PCDH9: variants seen among roughly 807,000 people sequenced by gnomAD.
PCDH9 encodes the protein protocadherin 9.
Under a neutral mutation model 70.6 loss-of-function variants are expected in PCDH9, and 24 were observed. That is an observed-to-expected ratio of 0.34 (90% CI 0.25 to 0.48). The LOEUF (loss-of-function observed/expected upper bound fraction) is 0.48. PCDH9 is among the 20% of genes least tolerant of loss of function. PCDH9 has a pLI of 0.99. For missense variants in PCDH9, 1,281 were observed against 1,503.6 expected (o/e 0.85, Z 2.45); for synonymous variants, 562 against 558.5 (o/e 1.01, Z -0.09).
chr13:66,402,587 C>G (rs1957206877), intron 4 of PCDH9, among the ~76,000 whole-genome samples: 3 of 152,120 alleles, frequency 2.0e-5, no homozygotes, highest in South Asian at 4.2e-4. Flanking sequence ...ATCAAATTGC[C>G]TTAATGGATG....
At chr13:66,868,819 G>C (rs1329077444) in intron 3 of PCDH9, among the ~76,000 whole-genome samples, 1 of 152,124 alleles carries the variant, frequency 6.6e-6, no homozygotes, top group Non-Finnish European at 1.5e-5. Context: ...TTAGTGAACA[G>C]ATATTACATG....
At chr13:66,770,439 C>G (rs1381317723) in intron 3 of PCDH9, among the ~76,000 whole-genome samples, 1 of 152,144 alleles carries the variant, frequency 6.6e-6, no homozygotes, top group African/African-American at 2.4e-5. Flanking sequence ...TTAGATGAAG[C>G]CACCCTTATC....
intron 2 of PCDH9, among the ~76,000 whole-genome samples, chr13:67,082,754 A>G (rs2086010693): frequency 6.6e-6 from 1 of 152,214 alleles, no homozygotes; most frequent in Non-Finnish European, 1.5e-5. Flanking sequence ...CAATCCTTAT[A>G]TGCCAATTGT....
intron 3 of PCDH9, among the ~76,000 whole-genome samples, chr13:66,701,274 T>C (rs1265576542): frequency 6.6e-6 from 1 of 151,302 alleles, no homozygotes; most frequent in Non-Finnish European, 1.5e-5. Context: ...TGTGTATATA[T>C]ATATACACAC....
intron 3 of PCDH9, among the ~76,000 whole-genome samples, chr13:66,776,728 C>T (rs1314795992): frequency 3.3e-5 from 5 of 151,740 alleles, no homozygotes; most frequent in Middle Eastern, 3.4e-3. Context: ...AGATTCAATG[C>T]CATCCCCATC....
rs1463484792 is a variant in PCDH9 at position 66,849,509 on chromosome 13, TATATATATAG to T, written c.3138+53985_3138+53994del. Among the ~76,000 whole-genome samples the T allele has an allele frequency of 3.7e-4, 32 of 86,668 alleles. No homozygotes were observed. The South Asian group carries it at 3.8e-3, about 10-fold the overall frequency. 56.9% of individuals were successfully genotyped at this position (86,668 alleles called of 152,430 possible). On this transcript the variant is annotated intron_variant, in intron 3 of 4. Transcript: ENST00000377865. ...AGGTATATATATATATATATATATATATATATATAGAGAGAGAGAGAGAGAGAGAGAGAGA... is the reference window on the plus strand; with the variant it reads ...AGGTATATATATATATATATATATATAGAGAGAGAGAGAGAGAGAGAGAGA...
chr13:66,410,966 C>G (rs1266145098), intron 4 of PCDH9, among the ~76,000 whole-genome samples: 1 of 152,148 alleles, frequency 6.6e-6, no homozygotes, highest in African/African-American at 2.4e-5. Flanking sequence ...TGACAGAATT[C>G]TCTAAGCAAA....
At position 66,525,213 on chromosome 13, in the gene PCDH9, G is replaced by A. The variant is rs575309842; in HGVS notation, c.3340+105997C>T. Among the ~76,000 whole-genome samples the A allele has an allele frequency of 5.9e-5, 9 of 152,102 alleles. No homozygotes were observed. The South Asian group carries it at 1.0e-3, about 18-fold the overall frequency. On this transcript the variant is annotated intron_variant, in intron 4 of 4. Transcript: ENST00000377865. ...TCTTTAACCCCTGATCTCCAACAGCGTCTCTCCAACTCTTAAAAGGTCATG... is the reference window on the plus strand; with the variant it reads ...TCTTTAACCCCTGATCTCCAACAGCATCTCTCCAACTCTTAAAAGGTCATG...
chr13:66,325,181 A>G (rs1250892333), intron 4 of PCDH9, among the ~76,000 whole-genome samples: 2 of 152,086 alleles, frequency 1.3e-5, no homozygotes, highest in African/African-American at 4.8e-5. Context: ...TATTTTTACA[A>G]TGAATTCCAT....
intron 3 of PCDH9, among the ~76,000 whole-genome samples, chr13:66,862,496 C>T (rs1415394623): frequency 6.6e-6 from 1 of 152,168 alleles, no homozygotes; most frequent in Non-Finnish European, 1.5e-5. Flanking sequence ...TTATCACGGA[C>T]TCCCATATTC....
chr13:67,175,841 A>G (rs1566475355), intron 2 of PCDH9, among the ~76,000 whole-genome samples: 1 of 152,142 alleles, frequency 6.6e-6, no homozygotes, highest in Non-Finnish European at 1.5e-5. Flanking sequence ...AAAATGCAGC[A>G]TTCTTTAGAT....
intron 2 of PCDH9, among the ~76,000 whole-genome samples, chr13:67,064,604 T>C (rs1243135516): frequency 1.3e-5 from 2 of 152,138 alleles, no homozygotes; most frequent in Admixed American, 1.3e-4. Context: ...CTAAACTAGA[T>C]TAAAATCAAA....
Position 66,303,146 on chromosome 13 carries a change from G to A in PCDH9, c.*1509C>T, listed in dbSNP as rs1392388044. On this transcript the variant is annotated 3_prime_UTR_variant, in exon 5 of 5. Transcript: ENST00000377865. ...TTGTTTTTTTTACTTTTAAATTGAT[G>A]GTGAACCGTGGCATTAAGATAACTT... The A allele has an allele frequency of 1.3e-5, 2 of 148,906 alleles. No individual in the cohort carries two copies. Among genetic ancestry groups the A allele is most frequent in the African/African-American group, 5.0e-5 (2 of 40,272 alleles). The allele number at this position is 148,906 out of a possible 1,614,324, so 9.2% of individuals were successfully genotyped here.
At chr13:66,887,890 A>C (rs1296955342) in intron 3 of PCDH9, among the ~76,000 whole-genome samples, 3 of 152,208 alleles carry the variant, frequency 2.0e-5, no homozygotes, top group Non-Finnish European at 4.4e-5. Flanking sequence ...CAAACCTAAA[A>C]GTCATAATAT....
intron 4 of PCDH9, among the ~76,000 whole-genome samples, chr13:66,418,079 C>T (rs548306477): frequency 1.3e-5 from 2 of 152,250 alleles, no homozygotes; most frequent in Admixed American, 1.3e-4. Context: ...GAAGTCCTTG[C>T]CCATGCCTAT....
At chr13:67,105,591 T>C (rs2086523495) in intron 2 of PCDH9, among the ~76,000 whole-genome samples, 1 of 152,130 alleles carries the variant, frequency 6.6e-6, no homozygotes, top group Admixed American at 6.5e-5. Flanking sequence ...TTTTTATGAG[T>C]GATAGGAGAA....
rs548003029 is a variant in PCDH9, at chr13:66,467,834, T to C, written c.3341-162806A>G. On this transcript the variant is annotated intron_variant, in intron 4 of 4. Transcript: ENST00000377865. ...ATTCTTAAAATTGTATGATACTTGT[T>C]TCTCCCTTTTTATTTTCTATTCACT... is the stretch of plus-strand genomic sequence containing the variant. Among the ~76,000 whole-genome samples, 5 of 152,232 alleles carry C rather than the reference T, an allele frequency of 3.3e-5. No homozygotes were observed. In the East Asian group the frequency reaches 9.7e-4, roughly 29 times the overall value.
At chr13:66,350,227 C>T (rs937832352) in intron 4 of PCDH9, among the ~76,000 whole-genome samples, 19 of 152,130 alleles carry the variant, frequency 1.2e-4, no homozygotes, top group African/African-American at 3.4e-4. Context: ...ACCTTCTGCC[C>T]CAAACCTCTT....
chr13:67,043,617 A>T (rs998215942), intron 2 of PCDH9, among the ~76,000 whole-genome samples: 1 of 152,226 alleles, frequency 6.6e-6, no homozygotes, highest in Non-Finnish European at 1.5e-5. Flanking sequence ...ATAGACAGAC[A>T]TCTAGGCTGA....
Sources: allele counts gnomAD v4.1 joint callset (sites outside exome capture counted in the v4.1 genomes callset), GRCh38; gene constraint gnomAD v4.1.1; transcripts MANE v1.5; gene names NCBI Gene and HGNC (gene_info 2026-07-23, HGNC 2026-07-21).